The following GUCY1A2 variants were observed in gnomAD, a reference collection of about 807,000 sequenced individuals.
The protein encoded by GUCY1A2 is guanylate cyclase soluble subunit alpha-2.
GUCY1A2 carries 27 observed loss-of-function variants against 63.5 expected under a neutral mutation model. The observed-to-expected ratio is 0.43, with a 90% confidence interval of 0.31 to 0.59. The LOEUF (loss-of-function observed/expected upper bound fraction) is 0.59, where lower values mean the gene tolerates loss of function less well. Ranked by LOEUF, GUCY1A2 falls within the 20% of genes least tolerant of loss-of-function variation. GUCY1A2 has a pLI of 0.11. For missense variants in GUCY1A2, 768 were observed against 913.3 expected (o/e 0.84, Z 2.05); for synonymous variants, 364 against 343.5 (o/e 1.06, Z -0.66).
At chr11:106,847,121 G>T (rs1052424383) in intron 4 of GUCY1A2, among the ~76,000 whole-genome samples, 1 of 150,494 alleles carries the variant, frequency 6.6e-6, no homozygotes, top group Non-Finnish European at 1.5e-5. Flanking sequence ...ACATATAACT[G>T]AAAAATTATA....
In GUCY1A2 at chr11:106,841,266, C is replaced by T. The variant is rs546418323; in HGVS notation, c.1207-30788G>A. On this transcript the variant is annotated intron_variant, in intron 4 of 7. Transcript: ENST00000526355. ...CCTGAATAACTTCCTACTTATACTTCTTAAATGCTTCGAGGAGGCTTTTTT... is the reference window on the plus strand; with the variant it reads ...CCTGAATAACTTCCTACTTATACTTTTTAAATGCTTCGAGGAGGCTTTTTT... Among the ~76,000 whole-genome samples, 3 of 152,012 alleles carry T rather than the reference C, an allele frequency of 2.0e-5. No individual in the cohort carries two copies. The South Asian group carries it at 6.2e-4, about 32-fold the overall frequency.
intron 3 of GUCY1A2, among the ~76,000 whole-genome samples, chr11:106,951,915 A>C (rs1271212478): frequency 6.6e-6 from 1 of 152,196 alleles, no homozygotes; most frequent in Non-Finnish European, 1.5e-5. Flanking sequence ...ATTTTTGTAT[A>C]AGGTGTAAGA....
intron 3 of GUCY1A2, among the ~76,000 whole-genome samples, chr11:106,949,737 T>C (rs1280037883): frequency 6.6e-6 from 1 of 152,038 alleles, no homozygotes; most frequent in East Asian, 1.9e-4. Context: ...AGTAGATAGA[T>C]AGGGGAGGAA....
intron 4 of GUCY1A2, among the ~76,000 whole-genome samples, chr11:106,884,857 G>A (rs980956243): frequency 2.6e-5 from 4 of 152,056 alleles, no homozygotes; most frequent in Admixed American, 6.6e-5. Flanking sequence ...TGGCCCAAAT[G>A]AGAGTTTAAA....
chr11:106,896,303 G>A (rs181099862), intron 4 of GUCY1A2, among the ~76,000 whole-genome samples: 1 of 152,042 alleles, frequency 6.6e-6, no homozygotes, highest in African/African-American at 2.4e-5. Context: ...TAGTAATGAA[G>A]GGGAACTTCA....
At chr11:106,707,064 T>C (rs1012237360) in intron 7 of GUCY1A2, among the ~76,000 whole-genome samples, 16 of 152,174 alleles carry the variant, frequency 1.1e-4, no homozygotes, top group African/African-American at 3.9e-4. Context: ...TCAAAATCTC[T>C]TGGGTTCCTT....
At chr11:106,854,466 T>C (rs1484920917) in intron 4 of GUCY1A2, among the ~76,000 whole-genome samples, 4 of 151,924 alleles carry the variant, frequency 2.6e-5, no homozygotes, top group Non-Finnish European at 5.9e-5. Flanking sequence ...CTGTCCTCAG[T>C]CTTCTGGCTA....
chr11:106,940,273 T>C (rs890507983), intron 3 of GUCY1A2, 95 bp from the exon 4 acceptor site: 24 of 637,400 alleles, frequency 3.8e-5, no homozygotes, highest in Non-Finnish European at 6.0e-5. Flanking sequence ...AACTACTGAA[T>C]AAAGTAACAA....
At chr11:106,972,828 G>A (rs1373095853) in intron 3 of GUCY1A2, among the ~76,000 whole-genome samples, 2 of 152,078 alleles carry the variant, frequency 1.3e-5, no homozygotes, top group African/African-American at 4.8e-5. Flanking sequence ...CAGGGCAGTT[G>A]TGGGAAAGGA....
At chr11:106,890,952 C>A (rs1859965322) in intron 4 of GUCY1A2, among the ~76,000 whole-genome samples, 3 of 152,092 alleles carry the variant, frequency 2.0e-5, no homozygotes, top group African/African-American at 7.2e-5. Context: ...GTGTGCAAAT[C>A]TTTTTATGAG....
chr11:106,901,233 T>C (rs145206317), intron 4 of GUCY1A2, among the ~76,000 whole-genome samples: 1 of 152,304 alleles, frequency 6.6e-6, no homozygotes, highest in East Asian at 1.9e-4. Flanking sequence ...CAACTCCTCA[T>C]ATGTTCAAGT....
intron 6 of GUCY1A2, among the ~76,000 whole-genome samples, chr11:106,709,489 T>TATATATATAATA (rs1469476852): frequency 4.6e-5 from 1 of 21,538 alleles, no homozygotes; most frequent in Non-Finnish European, 6.8e-5. Flanking sequence ...TATATATTTA[T>TATATATATAATA]ATATATATAA....
At chr11:106,694,022 G>A (rs1199200065) in intron 7 of GUCY1A2, among the ~76,000 whole-genome samples, 1 of 152,128 alleles carries the variant, frequency 6.6e-6, no homozygotes, top group African/African-American at 2.4e-5. Context: ...GACATGGTTA[G>A]AAGTTTTGTG....
At chr11:106,706,305 G>T (rs1862909443) in intron 7 of GUCY1A2, among the ~76,000 whole-genome samples, 2 of 151,980 alleles carry the variant, frequency 1.3e-5, no homozygotes, top group Non-Finnish European at 2.9e-5. Flanking sequence ...AATTATATTT[G>T]TTCTAAGAAT....
chr11:106,939,095 C>A (rs1384075245), intron 4 of GUCY1A2, among the ~76,000 whole-genome samples: 1 of 152,152 alleles, frequency 6.6e-6, no homozygotes, highest in African/African-American at 2.4e-5. Context: ...AAAGATATTG[C>A]AGTCACGCCC....
chr11:106,696,066 A>C (rs767545740), intron 7 of GUCY1A2, among the ~76,000 whole-genome samples: 100 of 152,140 alleles, frequency 6.6e-4, no homozygotes, highest in Non-Finnish European at 1.0e-3. Flanking sequence ...CATACTCTGC[A>C]TACCTGATAC....
At position 106,678,105 on chromosome 11, in the gene GUCY1A2, A is replaced by G. The variant is rs1385936575; in HGVS notation, c.*9444T>C. On this transcript the variant is annotated 3_prime_UTR_variant, in exon 8 of 8. Coordinates refer to ENST00000526355, the MANE Select transcript of GUCY1A2 (RefSeq NM_000855.3). ...CATTAATAATAATTTTTACACAGGA[A>G]CAAAAATTAAAGAATTTTTCTAAAA... is the stretch of plus-strand genomic sequence containing the variant. 2 of 198,944 alleles carry G rather than the reference A, an allele frequency of 1.0e-5. No individual in the cohort carries two copies. Among genetic ancestry groups the G allele is most frequent in the African/African-American group, 4.6e-5 (2 of 43,446 alleles). 12.3% of individuals were successfully genotyped at this position (198,944 alleles called of 1,614,324 possible).
At chr11:106,850,160 T>A (rs1472955885) in intron 4 of GUCY1A2, among the ~76,000 whole-genome samples, 2 of 151,780 alleles carry the variant, frequency 1.3e-5, no homozygotes, top group African/African-American at 4.8e-5. Context: ...TCTAAGAGAT[T>A]TATTAATATC....
chr11:106,697,337 A>G (rs1190479508), intron 7 of GUCY1A2, among the ~76,000 whole-genome samples: 1 of 152,202 alleles, frequency 6.6e-6, no homozygotes, highest in Non-Finnish European at 1.5e-5. Flanking sequence ...GTTTCACACA[A>G]AAGAGCAGTG....
Sources: allele counts gnomAD v4.1 joint callset (sites outside exome capture counted in the v4.1 genomes callset), GRCh38; gene constraint gnomAD v4.1.1; transcripts MANE v1.5; gene names NCBI Gene and HGNC (gene_info 2026-07-23, HGNC 2026-07-21).